The following SNTG1 variants were observed in gnomAD, a reference collection of about 807,000 sequenced individuals.
The protein encoded by SNTG1 is gamma-1-syntrophin.
In SNTG1, 39 loss-of-function variants were observed where a neutral mutation model predicts 74.7. The observed-to-expected ratio is 0.52, with a 90% CI of 0.40 to 0.68. The LOEUF (loss-of-function observed/expected upper bound fraction) is 0.68, where lower values mean the gene tolerates loss of function less well. Ranked by LOEUF, SNTG1 falls within the 30% of genes least tolerant of loss-of-function variation. SNTG1 has a pLI of 0.00. For synonymous variants in SNTG1, 254 were observed against 217.1 expected (o/e 1.17, Z -1.49); for missense variants, 685 against 609.5 (o/e 1.12, Z -1.30).
At chr8:50,722,876 GA>G (rs1273433578) in intron 17 of SNTG1, among the ~76,000 whole-genome samples, 1 of 152,112 alleles carries the variant, frequency 6.6e-6, no homozygotes, top group Non-Finnish European at 1.5e-5. Context: ...TATTTTTAAT[GA>G]AACACTGTTT....
chr8:50,365,258 G>A (rs1447105485), intron 2 of SNTG1, among the ~76,000 whole-genome samples: 1 of 152,058 alleles, frequency 6.6e-6, no homozygotes, highest in African/African-American at 2.4e-5. Flanking sequence ...TTTAATTTTT[G>A]ATGGTGTCAT....
intron 1 of SNTG1, among the ~76,000 whole-genome samples, chr8:50,036,015 TA>T (rs200498441): frequency 1.3e-5 from 2 of 151,388 alleles, no homozygotes; most frequent in East Asian, 1.9e-4. Flanking sequence ...CCTGCAAAAT[TA>T]AAAAAAAATT....
chr8:50,713,783 G>C (rs2095468353), intron 17 of SNTG1, among the ~76,000 whole-genome samples: 2 of 152,058 alleles, frequency 1.3e-5, no homozygotes, highest in Non-Finnish European at 2.9e-5. Context: ...ATCCTGGCTG[G>C]GTGTGGTGGC....
At chr8:50,501,127 G>A (rs2093948359) in intron 8 of SNTG1, among the ~76,000 whole-genome samples, 1 of 152,156 alleles carries the variant, frequency 6.6e-6, no homozygotes, top group Non-Finnish European at 1.5e-5. Flanking sequence ...GCTCACTGAT[G>A]TTTGCTGCCT....
intron 1 of SNTG1, among the ~76,000 whole-genome samples, chr8:50,021,970 A>AAAG (rs1335139894): frequency 1.3e-5 from 2 of 151,726 alleles, no homozygotes; most frequent in African/African-American, 4.8e-5. Context: ...ATAAAAATAA[A>AAAG]AAGAAGAAGA....
chr8:50,629,605 G>T (rs2094982021), intron 13 of SNTG1, among the ~76,000 whole-genome samples: 1 of 151,904 alleles, frequency 6.6e-6, no homozygotes, highest in South Asian at 2.1e-4. Context: ...TGTCCTCAAT[G>T]ATATTGACTA....
intron 11 of SNTG1, among the ~76,000 whole-genome samples, chr8:50,549,812 A>AC (rs1197984080): frequency 1.3e-5 from 2 of 152,106 alleles, no homozygotes; most frequent in Non-Finnish European, 2.9e-5. Context: ...ACCTGCCCCA[A>AC]CCAAGCCGTT....
chr8:50,779,874 C>T (rs1194990758), intron 18 of SNTG1, among the ~76,000 whole-genome samples: 1 of 151,148 alleles, frequency 6.6e-6, no homozygotes, highest in African/African-American at 2.4e-5. Flanking sequence ...TGAGATATGT[C>T]CCATCAATAC....
intron 1 of SNTG1, among the ~76,000 whole-genome samples, chr8:50,149,549 A>T (rs2081991545): frequency 6.6e-6 from 1 of 152,152 alleles, no homozygotes; most frequent in Non-Finnish European, 1.5e-5. Context: ...TCTTCAATCC[A>T]TCTTGAATTA....
At chr8:50,520,218 T>C (rs1291738915) in intron 9 of SNTG1, among the ~76,000 whole-genome samples, 1 of 152,176 alleles carries the variant, frequency 6.6e-6, no homozygotes, top group Non-Finnish European at 1.5e-5. Flanking sequence ...TAAATGCTGC[T>C]GGGAAAACTG....
At chr8:50,106,044 T>A (rs2080357550) in intron 1 of SNTG1, among the ~76,000 whole-genome samples, 1 of 152,044 alleles carries the variant, frequency 6.6e-6, no homozygotes, top group South Asian at 2.1e-4. Flanking sequence ...CCTGATTGCT[T>A]TAGCTAGGAC....
In SNTG1 at chr8:49,975,887, T is replaced by G. The variant is rs150647307; in HGVS notation, c.-103+63656T>G. ...TTGTTAAATTGACTTTTCTTCAACA[T>G]TTTTTCCTACTTATTTGTTTATTTT... On this transcript the variant is annotated intron_variant, in intron 1 of 18. Transcript: ENST00000642720. 5.9e-3 allele frequency among the ~76,000 whole-genome samples: 904 copies of G among 152,232 alleles called. 11 individuals carry two copies. The highest frequency in any genetic ancestry group is 0.02 in the African/African-American group (844 of 41,536).
At chr8:50,358,916 C>T (rs542704783) in intron 2 of SNTG1, among the ~76,000 whole-genome samples, 33 of 152,210 alleles carry the variant, frequency 2.2e-4, no homozygotes, top group East Asian at 3.9e-4. Context: ...AGTTAACGCA[C>T]GGTTTGATAC....
At position 50,124,475 on chromosome 8, in the gene SNTG1, A is replaced by G. The variant is rs2081082304; in HGVS notation, c.-102-48086A>G. 1.4e-5 allele frequency among the ~76,000 whole-genome samples: 2 copies of G among 142,540 alleles called. 1 individual carries two copies. Among genetic ancestry groups the G allele is most frequent in the South Asian group, 5.2e-4 (2 of 3,870 alleles). The allele number at this position is 142,540 out of a possible 152,430, so 93.5% of individuals were successfully genotyped here. On this transcript the variant is annotated intron_variant, in intron 1 of 18. Transcript: ENST00000642720. ...GAAATTTTTTAATAGACTGTGTAAAATAGTATTTGTCTGATACTTCTAAAT... is the reference window on the plus strand; with the variant it reads ...GAAATTTTTTAATAGACTGTGTAAAGTAGTATTTGTCTGATACTTCTAAAT...
intron 1 of SNTG1, among the ~76,000 whole-genome samples, chr8:49,938,614 TC>T (rs1808381948): frequency 3.5e-5 from 3 of 85,604 alleles, no homozygotes; most frequent in African/African-American, 1.5e-4. Context: ...TTTCTTTCTT[TC>T]TTTCTTTCTT....
intron 4 of SNTG1, among the ~76,000 whole-genome samples, chr8:50,435,402 A>G (rs981270183): frequency 3.3e-5 from 5 of 152,194 alleles, no homozygotes; most frequent in African/African-American, 1.2e-4. Context: ...AACTAAATAT[A>G]CTTTCAGATC....
intron 15 of SNTG1, among the ~76,000 whole-genome samples, chr8:50,695,765 C>T (rs2095402636): frequency 6.6e-6 from 1 of 151,684 alleles, no homozygotes; most frequent in South Asian, 2.1e-4. Flanking sequence ...GGATAACGGC[C>T]TCCAGTTCCA....
chr8:50,135,512 G>C (rs2081443514), intron 1 of SNTG1, among the ~76,000 whole-genome samples: 1 of 152,112 alleles, frequency 6.6e-6, no homozygotes, highest in Non-Finnish European at 1.5e-5. Context: ...GGATATTAAA[G>C]TGATCAGTAG....
chr8:50,585,140 A>G (rs1221960740), intron 12 of SNTG1, among the ~76,000 whole-genome samples: 1 of 152,180 alleles, frequency 6.6e-6, no homozygotes, highest in African/African-American at 2.4e-5. Context: ...TTTCCAAGAA[A>G]TCAAGCAGAG....
Sources: gnomAD v4.1 joint callset for allele counts (sites outside exome capture counted in the v4.1 genomes callset) on GRCh38, gnomAD v4.1.1 for gene constraint, MANE v1.5 for transcripts, NCBI Gene and HGNC (gene_info 2026-07-23, HGNC 2026-07-21) for gene names.